Variants in EPC2 observed in about 807,000 individuals in gnomAD.
EPC2 encodes enhancer of polycomb 2.
A neutral mutation model predicts 92.1 loss-of-function variants in EPC2; 14 were observed. The ratio of observed to expected loss-of-function variants is 0.15; its 90% confidence interval spans 0.10 to 0.24. The LOEUF is 0.24. EPC2 is among the 10% of genes least tolerant of loss of function. The pLI is 1.00. For synonymous variants in EPC2, 340 were observed against 334.7 expected (o/e 1.02, Z -0.17); for missense variants, 755 against 971.5 (o/e 0.78, Z 2.96).
chr2:148,685,609 A>T (rs1166979129), intron 1 of EPC2, among the ~76,000 whole-genome samples: 1 of 152,290 alleles, frequency 6.6e-6, no homozygotes, highest in East Asian at 1.9e-4. Flanking sequence ...AAATACAAAA[A>T]AATTAGCCGG....
intron 2 of EPC2, among the ~76,000 whole-genome samples, chr2:148,696,708 G>A (rs1341094466): frequency 2.0e-5 from 3 of 152,192 alleles, no homozygotes; most frequent in Non-Finnish European, 4.4e-5. Flanking sequence ...GTTAGGAGGA[G>A]TTACCAAAGA....
intron 2 of EPC2, among the ~76,000 whole-genome samples, chr2:148,711,468 T>G (rs576825653): frequency 1.3e-5 from 2 of 152,332 alleles, no homozygotes; most frequent in South Asian, 2.1e-4. Flanking sequence ...ATTTCTACTC[T>G]CATAAAATTT....
intron 1 of EPC2, among the ~76,000 whole-genome samples, chr2:148,687,150 G>A (rs1335244309): frequency 6.6e-6 from 1 of 152,168 alleles, no homozygotes; most frequent in Non-Finnish European, 1.5e-5. Context: ...CTCACCTTGC[G>A]CTTTTATGTT....
chr2:148,749,663 G>C (rs1195770724), intron 3 of EPC2, among the ~76,000 whole-genome samples: 2 of 151,868 alleles, frequency 1.3e-5, no homozygotes, highest in Non-Finnish European at 2.9e-5. Flanking sequence ...TTAGTATGTA[G>C]CATGTTGAAA....
chr2:148,678,679 C>T (rs1330434767), intron 1 of EPC2, among the ~76,000 whole-genome samples: 5 of 152,244 alleles, frequency 3.3e-5, no homozygotes, highest in Non-Finnish European at 7.3e-5. Context: ...CCGGCTGCTC[C>T]GAGTGCAGGG....
intron 1 of EPC2, among the ~76,000 whole-genome samples, chr2:148,684,738 G>A (rs1418419394): frequency 2.6e-5 from 4 of 152,170 alleles, no homozygotes; most frequent in Admixed American, 2.6e-4. Flanking sequence ...CCTGCGTGAG[G>A]TTTTCTTTGG....
intron 10 of EPC2, among the ~76,000 whole-genome samples, chr2:148,780,005 C>G (rs1683717897): frequency 6.6e-6 from 1 of 152,086 alleles, no homozygotes; most frequent in Non-Finnish European, 1.5e-5. Flanking sequence ...GCTGGAAATT[C>G]ATGAATACTT....
At chr2:148,734,166 T>C (rs1682704382) in intron 2 of EPC2, among the ~76,000 whole-genome samples, 1 of 152,172 alleles carries the variant, frequency 6.6e-6, no homozygotes, top group African/African-American at 2.4e-5. Context: ...CATGTAACCA[T>C]GGTTGGATAC....
intron 2 of EPC2, among the ~76,000 whole-genome samples, chr2:148,706,641 C>T (rs1289550333): frequency 1.3e-5 from 2 of 152,128 alleles, no homozygotes; most frequent in East Asian, 1.9e-4. Flanking sequence ...AGACTAACAG[C>T]GGATCTCTCG....
intron 3 of EPC2, among the ~76,000 whole-genome samples, chr2:148,747,939 G>A (rs1449039114): frequency 6.6e-6 from 1 of 151,934 alleles, no homozygotes; most frequent in Non-Finnish European, 1.5e-5. Flanking sequence ...GCCTCCCCCA[G>A]TTTTGCTCTC....
chr2:148,765,533 A>G (rs1222807445), intron 7 of EPC2, among the ~76,000 whole-genome samples: 1 of 152,150 alleles, frequency 6.6e-6, no homozygotes, highest in Non-Finnish European at 1.5e-5. Context: ...TTTCCTTTTT[A>G]CCACACTCCA....
At chr2:148,733,020 GC>G (rs1383397544) in intron 2 of EPC2, among the ~76,000 whole-genome samples, 1 of 135,196 alleles carries the variant, frequency 7.4e-6, no homozygotes, top group Non-Finnish European at 1.6e-5. Context: ...CAAATTACTG[GC>G]CAAATTCAGA....
chr2:148,785,083 C>T, intron 13 of EPC2, 82 bp downstream of exon 13: 3 of 1,133,102 alleles, frequency 2.6e-6, no homozygotes, highest in South Asian at 3.8e-5. Flanking sequence ...TTACACTGCT[C>T]AAGCAATAGG....
intron 2 of EPC2, among the ~76,000 whole-genome samples, chr2:148,703,850 A>G (rs989324298): frequency 6.6e-6 from 1 of 152,226 alleles, no homozygotes; most frequent in Non-Finnish European, 1.5e-5. Flanking sequence ...TTTTAAAAAC[A>G]TGCATTATAC....
intron 7 of EPC2, among the ~76,000 whole-genome samples, chr2:148,765,788 A>G (rs1683396384): frequency 6.6e-6 from 1 of 152,198 alleles, no homozygotes; most frequent in Admixed American, 6.5e-5. Context: ...CTATAATCCC[A>G]GCACTTTGGG....
chr2:148,676,263 A>G (rs2105363593), intron 1 of EPC2, among the ~76,000 whole-genome samples: 1 of 152,186 alleles, frequency 6.6e-6, no homozygotes, highest in South Asian at 2.1e-4. Context: ...GGTTTCAAAA[A>G]GATTTTTCAG....
At chr2:148,732,609 G>A (rs1263643014) in intron 2 of EPC2, among the ~76,000 whole-genome samples, 1 of 151,928 alleles carries the variant, frequency 6.6e-6, no homozygotes, top group Non-Finnish European at 1.5e-5. Context: ...TTGAACTCCT[G>A]ATCTCAGGTG....
At chr2:148,710,233 C>T (rs528197159) in intron 2 of EPC2, among the ~76,000 whole-genome samples, 1 of 152,290 alleles carries the variant, frequency 6.6e-6, no homozygotes, top group South Asian at 2.1e-4. Context: ...ATGCAGCCAA[C>T]AGACACATGA....
intron 1 of EPC2, among the ~76,000 whole-genome samples, chr2:148,685,576 C>T (rs1246131405): frequency 3.9e-5 from 6 of 152,056 alleles, no homozygotes; most frequent in Admixed American, 3.3e-4. Context: ...CTGGCTAACA[C>T]GGTGAAACAC....
Sources: allele counts gnomAD v4.1 joint callset (sites outside exome capture counted in the v4.1 genomes callset), GRCh38; gene constraint gnomAD v4.1.1; transcripts MANE v1.5; gene names NCBI Gene and HGNC (gene_info 2026-07-23, HGNC 2026-07-21).